NDUFA10: variants seen among roughly 807,000 people sequenced by gnomAD.
NDUFA10 encodes the protein NADH dehydrogenase [ubiquinone] 1 alpha subcomplex subunit 10, mitochondrial.
Under a neutral mutation model 47.8 loss-of-function variants are expected in NDUFA10, and 40 were observed. That is an observed-to-expected ratio of 0.84 (90% CI 0.65 to 1.09). The LOEUF is 1.09. Ranked by LOEUF, NDUFA10 falls within the 50% of genes least tolerant of loss-of-function variation. The probability of loss-of-function intolerance (pLI) is 0.00; values close to 1 mark genes in which losing one functional copy is unlikely to be tolerated. For missense variants in NDUFA10, 413 were observed against 451.1 expected, an observed-to-expected ratio of 0.92 and a Z score of 0.76; for synonymous variants, 183 against 172.2, an observed-to-expected ratio of 1.06 and a Z score of -0.49.
downstream of NDUFA10, among the ~76,000 whole-genome samples, chr2:239,955,449 A>G (rs1373698973): frequency 6.6e-6 from 1 of 152,212 alleles, no homozygotes; most frequent in Non-Finnish European, 1.5e-5. Flanking sequence ...TGTCCTCATC[A>G]GGGAGCTGGT....
intron 4 of NDUFA10, among the ~76,000 whole-genome samples, chr2:239,898,070 G>T (rs1693431428): frequency 6.6e-6 from 1 of 152,190 alleles, no homozygotes; most frequent in African/African-American, 2.4e-5. Flanking sequence ...AAACGGAACT[G>T]CAGGAACCAA....
At chr2:240,020,306 C>A (rs1384907470) in intron 3 of NDUFA10, among the ~76,000 whole-genome samples, 2 of 152,182 alleles carry the variant, frequency 1.3e-5, no homozygotes, top group African/African-American at 4.8e-5. Flanking sequence ...GCAAGCACTG[C>A]AATATAAAAC....
chr2:240,025,164 T>TCCCC, intron 1 of NDUFA10, 63 bp downstream of exon 1: 1 of 594,914 alleles, frequency 1.7e-6, no homozygotes, highest in Non-Finnish European at 2.7e-6. Context: ...GTGGAACTGC[T>TCCCC]CCCCACCCCG....
At chr2:239,936,186 T>C (rs1694263751) in intron 4 of NDUFA10, among the ~76,000 whole-genome samples, 1 of 152,140 alleles carries the variant, frequency 6.6e-6, no homozygotes, top group African/African-American at 2.4e-5. Flanking sequence ...AGCGGAGGTG[T>C]GGGCAGCAGA....
rs894662593 is a variant in NDUFA10, at chr2:240,023,318, C to T, written c.76-978G>A. On this transcript the variant is annotated intron_variant, in intron 1 of 9. Coordinates refer to ENST00000252711, the MANE Select transcript of NDUFA10 (RefSeq NM_004544.4). ...TAAAATTATAAAATATAGCCAAAAA[C>T]CACATGAAAAAGTGGTCAACCTTGC... 3.3e-5 allele frequency among the ~76,000 whole-genome samples: 5 copies of T among 151,892 alleles called. 1 individual carries two copies.
At chr2:239,907,755 T>C (rs945236817) in intron 4 of NDUFA10, among the ~76,000 whole-genome samples, 1 of 152,202 alleles carries the variant, frequency 6.6e-6, no homozygotes, top group African/African-American at 2.4e-5. Flanking sequence ...CAACAGGTGC[T>C]GGAGAGGATG....
chr2:239,898,973 A>AAGAGGTATGATGGAGAGGTGTGATGG (rs1328430352), intron 4 of NDUFA10, among the ~76,000 whole-genome samples: 6 of 87,482 alleles, frequency 6.9e-5, no homozygotes, highest in South Asian at 5.0e-4. Flanking sequence ...GGGTGTGATG[A>AAGAGGTATGATGGAGAGGTGTGATGG]AGAGGTATGA....
chr2:239,983,650 G>C (rs1402575863), intron 9 of NDUFA10: 7 of 1,580,674 alleles, frequency 4.4e-6, no homozygotes, highest in Admixed American at 1.8e-5. Context: ...AGGCTGCACT[G>C]ACAGCAAGTG....
intron 8 of NDUFA10, among the ~76,000 whole-genome samples, chr2:239,990,867 ATACTT>A (rs1461897367): frequency 6.6e-6 from 1 of 152,200 alleles, no homozygotes; most frequent in Non-Finnish European, 1.5e-5. Context: ...TATAACCACT[ATACTT>A]AAAGATTTTT....
chr2:239,895,945 T>A (rs780329648), intron 4 of NDUFA10, among the ~76,000 whole-genome samples: 11 of 150,960 alleles, frequency 7.3e-5, no homozygotes, highest in Non-Finnish European at 7.4e-5. Flanking sequence ...TTGTTTTCAG[T>A]GTAAGTGCTT....
chr2:240,021,893 G>T (rs1225419324), intron 2 of NDUFA10, among the ~76,000 whole-genome samples: 1 of 152,168 alleles, frequency 6.6e-6, no homozygotes, highest in Non-Finnish European at 1.5e-5. Context: ...CAGTTTATGT[G>T]GAAGTGCCCT....
Position 239,915,265 on chromosome 2 carries a change from T to C in NDUFA10, c.295-19951A>G, listed in dbSNP as rs111209930. Reference sequence around the variant, plus strand: ...AACATACACACACAACACACACACATACAGACACACACAAATATACAGACA... The same window carrying C: ...AACATACACACACAACACACACACACACAGACACACACAAATATACAGACA... On this transcript the variant is annotated intron_variant, in intron 4 of 5. Transcript: ENST00000419408. 5.5e-5 allele frequency among the ~76,000 whole-genome samples: 8 copies of C among 145,672 alleles called. 1 individual carries two copies. The highest frequency in any genetic ancestry group is 2.1e-4 in the East Asian group (1 of 4,746).
intron 4 of NDUFA10, among the ~76,000 whole-genome samples, chr2:239,909,165 G>A (rs548647249): frequency 2.0e-5 from 3 of 152,256 alleles, no homozygotes; most frequent in Middle Eastern, 3.4e-3. Context: ...CAAAACAGAT[G>A]GACCCTAGAG....
intron 6 of NDUFA10, among the ~76,000 whole-genome samples, chr2:240,010,644 C>T (rs1483268220): frequency 6.6e-6 from 1 of 151,818 alleles, no homozygotes. Context: ...AAGAAAGAAA[C>T]GCTCACCACA....
At chr2:239,981,160 T>A (rs1321266629) in intron 9 of NDUFA10, among the ~76,000 whole-genome samples, 5 of 152,212 alleles carry the variant, frequency 3.3e-5, no homozygotes, top group Non-Finnish European at 7.3e-5. Flanking sequence ...GACATACTTA[T>A]ACTAAAATAC....
chr2:239,940,919 C>G (rs1216915482), intron 4 of NDUFA10, among the ~76,000 whole-genome samples: 1 of 152,198 alleles, frequency 6.6e-6, no homozygotes, highest in Non-Finnish European at 1.5e-5. Flanking sequence ...AGAGTAGAAT[C>G]CAATAACCTT....
intron 8 of NDUFA10, among the ~76,000 whole-genome samples, chr2:239,999,187 T>C (rs191078259): frequency 6.6e-6 from 1 of 152,218 alleles, no homozygotes; most frequent in African/African-American, 2.4e-5. Flanking sequence ...AACTCAAGAC[T>C]ATGAATGGTC....
chr2:239,972,460 T>C (rs1366334938), intron 9 of NDUFA10, among the ~76,000 whole-genome samples: 1 of 152,058 alleles, frequency 6.6e-6, no homozygotes, highest in African/African-American at 2.4e-5. Flanking sequence ...TATTTTCCAT[T>C]ATAACATATA....
At chr2:239,908,343 A>G (rs1485214879) in intron 4 of NDUFA10, among the ~76,000 whole-genome samples, 1 of 152,192 alleles carries the variant, frequency 6.6e-6, no homozygotes, top group Non-Finnish European at 1.5e-5. Flanking sequence ...ACATGTATAC[A>G]TACGTAACAA....
Sources: gnomAD v4.1 joint callset for allele counts (sites outside exome capture counted in the v4.1 genomes callset) on GRCh38, gnomAD v4.1.1 for gene constraint, MANE v1.5 for transcripts, NCBI Gene and HGNC (gene_info 2026-07-23, HGNC 2026-07-21) for gene names.